Variants in NCKAP5L observed in about 807,000 individuals in gnomAD.
NCKAP5L encodes the protein nck-associated protein 5-like.
NCKAP5L carries 54 observed loss-of-function variants against 103.2 expected under a neutral mutation model. The ratio of observed to expected loss-of-function variants is 0.52; its 90% confidence interval spans 0.42 to 0.66. The LOEUF (loss-of-function observed/expected upper bound fraction) is 0.66, where lower values mean the gene tolerates loss of function less well. NCKAP5L is among the 30% of genes least tolerant of loss of function. The pLI is 0.00. For missense variants in NCKAP5L, 1,733 were observed against 1,750.6 expected, an observed-to-expected ratio of 0.99 and a Z score of 0.18; for synonymous variants, 762 against 748.6, an observed-to-expected ratio of 1.02 and a Z score of -0.29.
intron 1 of NCKAP5L, among the ~76,000 whole-genome samples, chr12:49,819,513 C>T (rs1946338027): frequency 6.6e-6 from 1 of 152,104 alleles, no homozygotes; most frequent in African/African-American, 2.4e-5. Flanking sequence ...GGAGGAAATC[C>T]TGTCATTGGT....
rs559629352 is a variant in NCKAP5L, at chr12:49,797,606, G to A, written c.466-212C>T. ...ACTGGTTACCCCAGTTCTTCTTCCTGGCACACTTGGGGTTGGGCAGGCACC... is the reference window on the plus strand; with the variant it reads ...ACTGGTTACCCCAGTTCTTCTTCCTAGCACACTTGGGGTTGGGCAGGCACC... On this transcript the variant is annotated intron_variant, in intron 7 of 12. Coordinates refer to ENST00000335999, the MANE Select transcript of NCKAP5L (RefSeq NM_001037806.4). This position sits in a 1 kb window ranked among gnomAD's most constrained non-coding sequence, Gnocchi z 4.5. Among the ~76,000 whole-genome samples the A allele has an allele frequency of 1.8e-3, 271 of 152,258 alleles. 3 individuals carry two copies. Among genetic ancestry groups the A allele is most frequent in the African/African-American group, 6.2e-3 (258 of 41,544 alleles).
At chr12:49,812,696 G>A (rs1398259437) in intron 1 of NCKAP5L, among the ~76,000 whole-genome samples, 4 of 152,118 alleles carry the variant, frequency 2.6e-5, no homozygotes, top group African/African-American at 9.7e-5. Context: ...CCTTTGTATG[G>A]GTGAACAGTG....
intron 3 of NCKAP5L, among the ~76,000 whole-genome samples, chr12:49,803,453 C>T (rs1946143290): frequency 6.6e-6 from 1 of 152,124 alleles, no homozygotes; most frequent in Non-Finnish European, 1.5e-5. Flanking sequence ...GGGAGGTGCC[C>T]ACAGTAACCC....
At chr12:49,812,118 C>T (rs889665336) in intron 1 of NCKAP5L, among the ~76,000 whole-genome samples, 3 of 152,128 alleles carry the variant, frequency 2.0e-5, no homozygotes, top group African/African-American at 4.8e-5. Context: ...CTCAGAGATA[C>T]GTGCAATCAT....
chr12:49,819,664 C>T (rs1018518956), intron 1 of NCKAP5L, among the ~76,000 whole-genome samples: 25 of 152,166 alleles, frequency 1.6e-4, no homozygotes, highest in African/African-American at 6.0e-4. Flanking sequence ...AGTTCAAGAC[C>T]GGCCTGGGCA....
intron 8 of NCKAP5L, among the ~76,000 whole-genome samples, 160 bp downstream of exon 8, chr12:49,794,605 A>ACCCCCCCCCCCCCC (rs1555147580): frequency 8.6e-6 from 1 of 116,088 alleles, no homozygotes; most frequent in Admixed American, 8.1e-5. Context: ...CAAGTCACTG[A>ACCCCCCCCCCCCCC]CCCCCCCACC....
intron 1 of NCKAP5L, among the ~76,000 whole-genome samples, chr12:49,824,514 C>T (rs565049225): frequency 2.3e-4 from 35 of 152,358 alleles, no homozygotes; most frequent in African/African-American, 7.9e-4. Context: ...GCCGTAGAAA[C>T]CTGCAGAGGA....
chr12:49,826,002 G>A (rs963862445), intron 1 of NCKAP5L, among the ~76,000 whole-genome samples: 3 of 152,126 alleles, frequency 2.0e-5, no homozygotes, highest in Non-Finnish European at 4.4e-5. Context: ...GGGAAAGGTG[G>A]GGTGGGGGCA....
intron 2 of NCKAP5L, chr12:49,804,304 A>C (rs952369396): frequency 8.1e-5 from 24 of 295,254 alleles, no homozygotes; most frequent in Non-Finnish European, 1.4e-4. Context: ...CACACAAGAA[A>C]CCTGATTTCT....
At chr12:49,793,059 C>T in intron 10 of NCKAP5L, 73 bp from the exon 11 acceptor site, 2 of 1,228,826 alleles carry the variant, frequency 1.6e-6, no homozygotes, top group Non-Finnish European at 2.2e-6. Flanking sequence ...CCACTTCCCG[C>T]CCAGCCCAGG....
Position 49,795,571 on chromosome 12 carries a change from C to A in NCKAP5L, c.2289G>T (p.Leu763=). The change falls in exon 8 of 13, where the codon CTG becomes CTT. Residue 763 remains leucine (L), a synonymous_variant. Coordinates refer to ENST00000335999, the MANE Select transcript of NCKAP5L (RefSeq NM_001037806.4). ...SSHSMGARVD[L]EPVSPRSCLT... Reference sequence around the variant, plus strand: ...GGCAGCTCCTTGGTGAGACAGGCTCCAGGTCCACCCGGGCCCCCATGGAGT... The same window carrying A: ...GGCAGCTCCTTGGTGAGACAGGCTCAAGGTCCACCCGGGCCCCCATGGAGT... The A allele has an allele frequency of 6.5e-7, 1 of 1,547,548 alleles. No individual in the cohort carries two copies. Among genetic ancestry groups the A allele is most frequent in the East Asian group, 2.2e-5 (1 of 44,448 alleles).
chr12:49,823,984 G>A (rs895647303), intron 1 of NCKAP5L, among the ~76,000 whole-genome samples: 7 of 152,230 alleles, frequency 4.6e-5, no homozygotes, highest in African/African-American at 9.6e-5. Context: ...GCTGCTGGGC[G>A]GTGGGGGGTG....
intron 6 of NCKAP5L, among the ~76,000 whole-genome samples, chr12:49,799,161 C>G (rs2137006845): frequency 6.6e-6 from 1 of 152,314 alleles, no homozygotes; most frequent in East Asian, 1.9e-4. Flanking sequence ...GCAGCGCCTC[C>G]AGCCCAGTTC....
chr12:49,822,332 AGAGCC>A (rs1323054252), intron 1 of NCKAP5L, among the ~76,000 whole-genome samples: 4 of 152,216 alleles, frequency 2.6e-5, no homozygotes, highest in African/African-American at 9.7e-5. Flanking sequence ...CAGAAACAGG[AGAGCC>A]GACATAGGCG....
At chr12:49,799,372 C>A (rs1034764273) in intron 6 of NCKAP5L, among the ~76,000 whole-genome samples, 1 of 151,340 alleles carries the variant, frequency 6.6e-6, no homozygotes, top group South Asian at 2.1e-4. Context: ...TGCAGTGGCA[C>A]GACTGTAGCT....
At chr12:49,799,531 G>A (rs1946096273) in intron 6 of NCKAP5L, among the ~76,000 whole-genome samples, 1 of 151,882 alleles carries the variant, frequency 6.6e-6, no homozygotes, top group African/African-American at 2.4e-5. Context: ...TGCCTAGGCT[G>A]GTCTTGAACT....
intron 6 of NCKAP5L, among the ~76,000 whole-genome samples, chr12:49,799,952 T>C (rs1029181134): frequency 4.6e-5 from 7 of 152,154 alleles, no homozygotes; most frequent in African/African-American, 1.4e-4. Context: ...TCCCAGCACT[T>C]TGGGAGGCAG....
In NCKAP5L at chr12:49,796,502, G is replaced by T; in HGVS notation, c.1358C>A (p.Ala453Asp). Residue 453 changes from alanine to aspartate, a missense_variant, in exon 8 of 13, where the codon GCT (alanine) becomes GAT (aspartate). By Grantham distance (126) the Ala-to-Asp change is moderately radical. Transcript: ENST00000335999. The stretch of plus-strand genomic sequence containing the variant: ...CAGCTTTAGAAACTTGAGACCCCTA[G>T]CTGGAGAGGGCAGAAGGGGTCCCTG... ...EAQGPLLPSP[A>D]RGLKFLKLPP... 6.5e-7 allele frequency: 1 copy of T among 1,543,614 alleles called. No individual in the cohort carries two copies.
chr12:49,792,262 G>A lies in NCKAP5L; in HGVS notation c.3792+184C>T, dbSNP rs1945948207. On this transcript the variant is annotated intron_variant, in intron 12 of 12. Transcript: ENST00000335999. This position sits in a 1 kb window ranked among gnomAD's most constrained non-coding sequence, Gnocchi z 4.5. The stretch of plus-strand genomic sequence containing the variant: ...GGGAGGGACAGAAACCTTTCCCCAC[G>A]AGAGAAGTGCAAGGAGGGCAGTGGG... The A allele has an allele frequency of 7.1e-6, 9 of 1,267,702 alleles. No homozygotes were observed. The highest frequency in any genetic ancestry group is 1.8e-4 in the Middle Eastern group (1 of 5,436). 78.5% of individuals were successfully genotyped at this position (1,267,702 alleles called of 1,614,324 possible).
Sources: allele counts gnomAD v4.1 joint callset (sites outside exome capture counted in the v4.1 genomes callset), GRCh38; gene constraint gnomAD v4.1.1; non-coding constraint Gnocchi (gnomAD v3.1); transcripts MANE v1.5; gene names NCBI Gene and HGNC (gene_info 2026-07-23, HGNC 2026-07-21).